Variants in MEGF10 observed in about 807,000 individuals in gnomAD.
MEGF10 encodes multiple EGF like domains 10, also known as multiple epidermal growth factor-like domains protein 10.
MEGF10 carries 86 observed loss-of-function variants against 147.5 expected under a neutral mutation model. The observed-to-expected ratio is 0.58, with a 90% confidence interval of 0.49 to 0.70. MEGF10 has a LOEUF of 0.70. Among genes scored for constraint, MEGF10 ranks in the 30% least tolerant of loss-of-function variants. MEGF10 has a pLI of 0.00. For missense variants in MEGF10, 1,329 were observed against 1,487.3 expected (o/e 0.89, Z 1.75); for synonymous variants, 478 against 525.5 (o/e 0.91, Z 1.24).
chr5:127,299,203 G>C (rs1394157008), intron 1 of MEGF10, among the ~76,000 whole-genome samples: 1 of 152,144 alleles, frequency 6.6e-6, no homozygotes. Context: ...GCTCATCAAA[G>C]GTACCTGATC....
rs75617887 is a variant in MEGF10, at chr5:127,391,670, A to G, written c.413-4862A>G. Among the ~76,000 whole-genome samples the G allele has an allele frequency of 5.5e-3, 840 of 152,120 alleles. 9 individuals are homozygous for G. Among genetic ancestry groups the G allele is most frequent in the African/African-American group, 0.019 (807 of 41,486 alleles). On this transcript the variant is annotated intron_variant, in intron 5 of 24. Transcript: ENST00000503335. ...TCTCAACATTATTATTATTATTATTATGACTCAGGGTGCACAGATTTTCAC... is the reference window on the plus strand; with the variant it reads ...TCTCAACATTATTATTATTATTATTGTGACTCAGGGTGCACAGATTTTCAC...
At chr5:127,302,700 G>A (rs1018895722) in intron 1 of MEGF10, among the ~76,000 whole-genome samples, 1 of 152,204 alleles carries the variant, frequency 6.6e-6, no homozygotes, top group East Asian at 1.9e-4. Context: ...GGTCACGTGT[G>A]TGCTATGAGG....
At chr5:127,333,915 T>C (rs1195011577) in intron 2 of MEGF10, among the ~76,000 whole-genome samples, 1 of 151,866 alleles carries the variant, frequency 6.6e-6, no homozygotes, top group Non-Finnish European at 1.5e-5. Flanking sequence ...GGGAGGGAAA[T>C]TGAATGTGAA....
At chr5:127,265,328 A>C in the MEGF10 span, among the ~76,000 whole-genome samples, 1 of 152,150 alleles carries the variant, frequency 6.6e-6, no homozygotes, top group African/African-American at 2.4e-5. Flanking sequence ...ATTGATGGAC[A>C]TTTTGGTTGG....
At chr5:127,238,341 C>A in the MEGF10 span, among the ~76,000 whole-genome samples, 3 of 152,064 alleles carry the variant, frequency 2.0e-5, no homozygotes, top group African/African-American at 7.2e-5. Context: ...CAGGTGTGAG[C>A]CACCATGCCT....
the MEGF10 span, among the ~76,000 whole-genome samples, chr5:127,257,778 A>C: frequency 2.0e-5 from 3 of 152,210 alleles, no homozygotes; most frequent in African/African-American, 7.2e-5. Context: ...ACCTAGGCAG[A>C]AACTCAACTT....
chr5:127,346,670 A>G (rs1213739546), intron 4 of MEGF10, among the ~76,000 whole-genome samples: 5 of 152,072 alleles, frequency 3.3e-5, no homozygotes, highest in Admixed American at 3.3e-4. Context: ...TTATCTGTTT[A>G]CTGTGGTGAT....
At chr5:127,331,833 G>T (rs1761273598) in intron 2 of MEGF10, among the ~76,000 whole-genome samples, 1 of 152,134 alleles carries the variant, frequency 6.6e-6, no homozygotes, top group South Asian at 2.1e-4. Context: ...GGATTTAAAA[G>T]AATTTTGCTG....
At chr5:127,396,802 C>A (rs767448320) in intron 6 of MEGF10, 24 bp downstream of exon 6, 1 of 1,598,348 alleles carries the variant, frequency 6.3e-7, no homozygotes, top group Non-Finnish European at 8.5e-7. Flanking sequence ...TGCCCAGCAG[C>A]AGAGCAGAGC....
At position 127,457,317 on chromosome 5, in the gene MEGF10, G is replaced by T; in HGVS notation, c.3422G>T (p.Ter1141LeuextTer7). ...SSSNSSSSSE* is the reference protein window; with the variant it reads ...SSSNSSSSSEL Reference sequence around the variant, plus strand: ...AGCAACAGCAGCAGCAGCAGTGAATGACACCAAAGGACCGCTTGGTAGCCA... The same window carrying T: ...AGCAACAGCAGCAGCAGCAGTGAATTACACCAAAGGACCGCTTGGTAGCCA... Residue 1141 changes from the stop codon to leucine (L), a stop_lost, in exon 25 of 25, where the codon TGA becomes TTA. Transcript: ENST00000503335. The T allele has an allele frequency of 1.9e-6, 3 of 1,612,278 alleles. No homozygotes were observed. Among genetic ancestry groups the T allele is most frequent in the Non-Finnish European group, 2.5e-6 (3 of 1,179,606 alleles).
At chr5:127,350,241 T>C (rs1762039422) in intron 4 of MEGF10, among the ~76,000 whole-genome samples, 1 of 152,096 alleles carries the variant, frequency 6.6e-6, no homozygotes, top group African/African-American at 2.4e-5. Context: ...GTATCAGCAA[T>C]CTCTAGACAC....
chr5:127,303,284 C>G (rs768727136), intron 1 of MEGF10, among the ~76,000 whole-genome samples: 1 of 146,002 alleles, frequency 6.8e-6, no homozygotes. Context: ...TGCAGTGAGC[C>G]GAGATTGCAC....
intron 5 of MEGF10, among the ~76,000 whole-genome samples, chr5:127,396,207 G>C (rs1049616970): frequency 2.0e-5 from 3 of 152,128 alleles, no homozygotes; most frequent in African/African-American, 7.2e-5. Context: ...CAGAACCCCT[G>C]AGCTCTTCCC....
chr5:127,414,364 A>C (rs1334601374), intron 9 of MEGF10, among the ~76,000 whole-genome samples: 1 of 151,896 alleles, frequency 6.6e-6, no homozygotes, highest in Non-Finnish European at 1.5e-5. Context: ...AAATGGGATC[A>C]TACCATCTAG....
intron 4 of MEGF10, among the ~76,000 whole-genome samples, chr5:127,367,828 C>A (rs1306418413): frequency 6.6e-6 from 1 of 152,238 alleles, no homozygotes; most frequent in South Asian, 2.1e-4. Context: ...AAGTGGGAGG[C>A]AAAACCCTCT....
intron 9 of MEGF10, among the ~76,000 whole-genome samples, chr5:127,411,537 T>C (rs1317590691): frequency 6.6e-6 from 1 of 151,990 alleles, no homozygotes; most frequent in African/African-American, 2.4e-5. Context: ...AACAAAAATA[T>C]AGAGTTTGCA....
chr5:127,327,544 G>A (rs1410603587), intron 1 of MEGF10, among the ~76,000 whole-genome samples: 1 of 152,032 alleles, frequency 6.6e-6, no homozygotes, highest in Non-Finnish European at 1.5e-5. Context: ...CAGCATAGAA[G>A]AGAGAAATGA....
At chr5:127,254,525 A>G in the MEGF10 span, among the ~76,000 whole-genome samples, 1 of 152,064 alleles carries the variant, frequency 6.6e-6, no homozygotes, top group East Asian at 1.9e-4. Context: ...TAAAAGTTGC[A>G]TTGTGGCTGG....
chr5:127,402,535 T>C lies in MEGF10; in HGVS notation c.781-11T>C. The C allele has an allele frequency of 6.2e-7, 1 of 1,610,234 alleles. No homozygotes were observed. The highest frequency in any genetic ancestry group is 1.1e-5 in the South Asian group (1 of 90,174). ...AGGCCCATCTAATTTTCCAAGTCTCTTTGAATGCAGGGCACAGTGTGTGGT... is the reference window on the plus strand; with the variant it reads ...AGGCCCATCTAATTTTCCAAGTCTCCTTGAATGCAGGGCACAGTGTGTGGT... On this transcript the variant is annotated splice_polypyrimidine_tract_variant and intron_variant, in intron 7 of 24. Coordinates refer to ENST00000503335, the MANE Select transcript of MEGF10 (RefSeq NM_001256545.2).
Sources: allele counts gnomAD v4.1 joint callset (sites outside exome capture counted in the v4.1 genomes callset), GRCh38; gene constraint gnomAD v4.1.1; transcripts MANE v1.5; gene names NCBI Gene and HGNC (gene_info 2026-07-23, HGNC 2026-07-21).